Variants in USP54 observed in about 807,000 individuals in gnomAD.
USP54 encodes the protein ubiquitin carboxyl-terminal hydrolase 54.
In USP54, 87 loss-of-function variants were observed where a neutral mutation model predicts 170.5. The ratio of observed to expected loss-of-function variants is 0.51; its 90% CI spans 0.43 to 0.61. The LOEUF is 0.61. Ranked by LOEUF, USP54 falls within the 20% of genes least tolerant of loss-of-function variation. USP54 has a pLI of 0.00. For synonymous variants in USP54, 655 were observed against 742.8 expected (o/e 0.88, Z 1.92); for missense variants, 1,786 against 2,047.8 (o/e 0.87, Z 2.47).
intron 17 of USP54, 40 bp from the exon 18 acceptor site, chr10:73,521,067 T>C: frequency 6.2e-7 from 1 of 1,609,848 alleles, no homozygotes; most frequent in South Asian, 1.1e-5. Flanking sequence ...TACAATTCAT[T>C]CCAAATTTTC....
upstream of USP54, among the ~76,000 whole-genome samples, chr10:73,594,654 AG>A: frequency 1.0e-5 from 1 of 95,886 alleles, no homozygotes; most frequent in South Asian, 3.4e-4. Flanking sequence ...TGGGGTGGGG[AG>A]GGGTGGGGAA....
intron 1 of USP54, among the ~76,000 whole-genome samples, chr10:73,596,645 G>A (rs2078756888): frequency 6.6e-6 from 1 of 150,570 alleles, no homozygotes; most frequent in Admixed American, 6.6e-5. Flanking sequence ...CTTGAGCCTG[G>A]GAGGTGGAGG....
chr10:73,499,568 C>T (rs901407541), intron 23 of USP54: 8 of 161,978 alleles, frequency 4.9e-5, no homozygotes, highest in African/African-American at 9.6e-5. Flanking sequence ...CAAAACCTCA[C>T]GCAGCTTTTC....
At chr10:73,551,542 A>G (rs911522572) in intron 4 of USP54, among the ~76,000 whole-genome samples, 5 of 152,202 alleles carry the variant, frequency 3.3e-5, no homozygotes, top group South Asian at 2.1e-4. Context: ...AGGAGAAACA[A>G]AGGAAAAGGA....
chr10:73,598,658 T>C (rs2078928604), intron 1 of USP54, among the ~76,000 whole-genome samples: 2 of 151,834 alleles, frequency 1.3e-5, no homozygotes, highest in Admixed American at 1.3e-4. Context: ...ACACCTGTAA[T>C]CCCAGCACTT....
intron 12 of USP54, among the ~76,000 whole-genome samples, chr10:73,533,278 C>T (rs1269609567): frequency 6.6e-6 from 1 of 151,804 alleles, no homozygotes; most frequent in African/African-American, 2.4e-5. Flanking sequence ...TGCACTCCAG[C>T]CTGGGCGACA....
Position 73,519,974 on chromosome 10 carries a change from A to G in USP54, c.2501T>C (p.Leu834Pro). 2 of 1,610,134 alleles carry G rather than the reference A, an allele frequency of 1.2e-6. No individual in the cohort carries two copies. The highest frequency in any genetic ancestry group is 2.2e-5 in the South Asian group (2 of 90,340). The change falls in exon 19 of 24, where the codon CTG becomes CCG. Residue 834 changes from leucine (L) to proline (P), a missense_variant. Physicochemically the swap from Leu to Pro is moderately conservative, Grantham distance 98. This residue lies in a region of USP54 where 1,418 missense variants were observed against 1,569.0 expected (regional missense o/e 0.90). Coordinates refer to ENST00000687698, the MANE Select transcript of USP54 (RefSeq NM_001391956.1). ...NEAISKLRLA[L>P]HGASCSTHSR... ...GTGCGTGCTACAGCTGGCACCATGCAGGGCAAGTCTTAGTTTAGCTAAAAT... is the reference window on the plus strand; with the variant it reads ...GTGCGTGCTACAGCTGGCACCATGCGGGGCAAGTCTTAGTTTAGCTAAAAT...
rs746479994 is a variant in USP54, at chr10:73,541,643, C to T, written c.668G>A (p.Arg223Gln). 8 of 1,614,092 alleles carry T rather than the reference C, an allele frequency of 5.0e-6. No individual in the cohort carries two copies. Among genetic ancestry groups the T allele is most frequent in the Non-Finnish European group, 4.2e-6 (5 of 1,180,018 alleles). The change falls in exon 8 of 24, where the codon CGG becomes CAG. Residue 223 changes from arginine to glutamine, a missense_variant. Around this residue, in one of 3 missense-constraint regions of USP54, gnomAD observed 361 missense variants for 455.0 expected, o/e 0.79. Transcript: ENST00000687698. ...LQNASTMGDL[R>Q]NCPSNCGERI... The stretch of plus-strand genomic sequence containing the variant: ...CCTGATTTAACTCACTGGACAGTTC[C>T]GCAGATCCCCCATGGTGCTGGCATT...
chr10:73,545,497 G>A (rs978328680), intron 5 of USP54, 41 bp downstream of exon 5: 1 of 1,611,102 alleles, frequency 6.2e-7, no homozygotes, highest in Non-Finnish European at 8.5e-7. Flanking sequence ...ACCATCAGCA[G>A]TCCCACCCCA....
chr10:73,595,838 G>A (rs187191086), upstream of USP54, among the ~76,000 whole-genome samples: 5 of 152,128 alleles, frequency 3.3e-5, no homozygotes, highest in African/African-American at 7.2e-5. Flanking sequence ...AGCCGGGCGC[G>A]GTGGCTCACG....
rs1032971746 is a variant in USP54, at chr10:73,617,578, C to A, written c.-18+7989G>T. On this transcript the variant is annotated intron_variant, in intron 1 of 22. Coordinates refer to the USP54 transcript ENST00000339859. ...GGTGCAGTGGCTCATACGTGTAATC[C>A]CAGCACTTTGGAGGGCTGAGGTGGA... Among the ~76,000 whole-genome samples, 3 of 149,720 alleles carry A rather than the reference C, an allele frequency of 2.0e-5. 1 individual carries two copies. Among genetic ancestry groups the A allele is most frequent in the African/African-American group, 7.6e-5 (3 of 39,412 alleles).
chr10:73,499,077 G>A lies in USP54; in HGVS notation c.4607C>T (p.Ser1536Phe). The A allele has an allele frequency of 6.2e-7, 1 of 1,614,124 alleles. No individual in the cohort carries two copies. The highest frequency in any genetic ancestry group is 8.5e-7 in the Non-Finnish European group (1 of 1,180,032). The part of the protein sequence containing the change: ...TLNYQSLPHR[S>F]RTDNSWAPWS... ...GGGTGCCCAGGAGTTGTCTGTTCTG[G>A]AGCGATGGGGGAGGCTCTGGTAGTT... Residue 1536 changes from serine (S) to phenylalanine (F), a missense_variant, in exon 24 of 24, where the codon TCC (serine) becomes TTC (phenylalanine). By Grantham distance (155) the Ser-to-Phe change is radical (BLOSUM62 -2). Transcript: ENST00000687698.
rs1319872090 is a variant in USP54 at position 73,575,537 on chromosome 10, C to T, written c.122G>A (p.Ser41Asn). The change falls in exon 3 of 24, where the codon AGC becomes AAC. Residue 41 changes from serine (S) to asparagine (N), a missense_variant. Transcript: ENST00000687698. ...CTGCAGGGCACTGTTGAGGAAGCAG[C>T]TGTTTTGCCCTGGCTCATTGCTGAG... is the stretch of plus-strand genomic sequence containing the variant. ...KGLSNEPGQN[S>N]CFLNSALQVL... 1.2e-6 allele frequency: 2 copies of T among 1,612,274 alleles called. No homozygotes were observed. The highest frequency in any genetic ancestry group is 1.7e-6 in the Non-Finnish European group (2 of 1,179,422).
chr10:73,585,536 A>G (rs1370743317), intron 1 of USP54, among the ~76,000 whole-genome samples: 13 of 152,108 alleles, frequency 8.5e-5, no homozygotes, highest in African/African-American at 3.1e-4. Flanking sequence ...ACTGAGTGAG[A>G]ACTCACTCAT....
chr10:73,505,065 G>C (rs967706605), intron 21 of USP54, 75 bp from the exon 22 acceptor site: 1 of 1,595,180 alleles, frequency 6.3e-7, no homozygotes, highest in Non-Finnish European at 8.6e-7. Flanking sequence ...GTATCCTCAG[G>C]GTATGGGAAA....
Position 73,505,445 on chromosome 10 carries a change from A to G in USP54, c.4052-19T>C. ...GCAGAGCCTGAAGAGGAAAACACAA[A>G]TACAAGTTGAGGCCATCTCTTCCCC... On this transcript the variant is annotated intron_variant, in intron 20 of 23. Transcript: ENST00000687698. The G allele has an allele frequency of 6.2e-7, 1 of 1,608,782 alleles. No individual in the cohort carries two copies. The highest frequency in any genetic ancestry group is 2.2e-5 in the East Asian group (1 of 44,838).
intron 12 of USP54, among the ~76,000 whole-genome samples, chr10:73,531,288 CAA>C (rs767034881): frequency 2.4e-4 from 23 of 97,526 alleles, no homozygotes; most frequent in Non-Finnish European, 1.5e-4. Context: ...AAGACTGTCT[CAA>C]AAAAAAAAAA....
chr10:73,584,257 A>G (rs1261721780), intron 1 of USP54, among the ~76,000 whole-genome samples: 1 of 152,032 alleles, frequency 6.6e-6, no homozygotes, highest in East Asian at 1.9e-4. Flanking sequence ...GCGTGGTGGC[A>G]TGTGCCTGTA....
chr10:73,511,096 CTT>C (rs777196673), intron 20 of USP54, among the ~76,000 whole-genome samples: 22 of 121,520 alleles, frequency 1.8e-4, no homozygotes, highest in Non-Finnish European at 2.7e-4. Flanking sequence ...ATGAAAACAC[CTT>C]TTTTTTTTTT....
Sources: gnomAD v4.1 joint callset for allele counts (sites outside exome capture counted in the v4.1 genomes callset) on GRCh38, gnomAD v4.1.1 for gene constraint, gnomAD v4.1.1 regional missense constraint, MANE v1.5 for transcripts, NCBI Gene and HGNC (gene_info 2026-07-23, HGNC 2026-07-21) for gene names.